Variants in UQCC1 observed in about 807,000 individuals in gnomAD.
UQCC1 encodes ubiquinol-cytochrome c reductase complex assembly factor 1.
UQCC1 carries 38 observed loss-of-function variants against 48.0 expected under a neutral mutation model. The observed-to-expected ratio is 0.79, with a 90% CI of 0.61 to 1.04. UQCC1 has a LOEUF of 1.04. Among genes scored for constraint, UQCC1 ranks in the 50% least tolerant of loss-of-function variants. UQCC1 has a pLI of 0.00. For synonymous variants in UQCC1, 111 were observed against 129.2 expected (o/e 0.86, Z 0.95); for missense variants, 368 against 381.8 (o/e 0.96, Z 0.30).
At chr20:35,353,205 T>C (rs2061509076) in intron 6 of UQCC1, among the ~76,000 whole-genome samples, 1 of 150,174 alleles carries the variant, frequency 6.7e-6, no homozygotes, top group African/African-American at 2.5e-5. Context: ...GAGACCAGCC[T>C]GGCCAACATG....
At chr20:35,388,445 A>C (rs1183901812) in intron 2 of UQCC1, among the ~76,000 whole-genome samples, 1 of 151,404 alleles carries the variant, frequency 6.6e-6, no homozygotes, top group Non-Finnish European at 1.5e-5. Context: ...AGATCCAGCT[A>C]TTCCGGATTT....
intron 7 of UQCC1, among the ~76,000 whole-genome samples, chr20:35,334,446 G>A (rs1270932381): frequency 1.3e-5 from 2 of 152,030 alleles, no homozygotes; most frequent in Non-Finnish European, 2.9e-5. Flanking sequence ...ATACCAACTC[G>A]GTGCCTTTAT....
At position 35,302,611 on chromosome 20, in the gene UQCC1, T is replaced by C. The variant is rs2060883415; in HGVS notation, c.*1324A>G. On this transcript the variant is annotated 3_prime_UTR_variant, in exon 10 of 10. Transcript: ENST00000374385. ...ACACAGTAAAGTTTATTTTGGTGCA[T>C]GGTATACTTCACTCCATTAAAAATA... The C allele has an allele frequency of 6.6e-6, 1 of 152,210 alleles. No homozygotes were observed. Among genetic ancestry groups the C allele is most frequent in the Admixed American group, 6.5e-5 (1 of 15,268 alleles). 9.4% of individuals were successfully genotyped at this position (152,210 alleles called of 1,614,324 possible).
chr20:35,399,986 C>T (rs1426710206), intron 1 of UQCC1, among the ~76,000 whole-genome samples: 10 of 133,122 alleles, frequency 7.5e-5, no homozygotes, highest in African/African-American at 2.3e-4. Context: ...AGTGCAGTGG[C>T]GCAATCTCGG....
chr20:35,402,626 A>G (rs1489265336), intron 1 of UQCC1, among the ~76,000 whole-genome samples: 1 of 148,854 alleles, frequency 6.7e-6, no homozygotes, highest in African/African-American at 2.5e-5. Context: ...ATATATATAT[A>G]TATATAATAT....
intron 6 of UQCC1, among the ~76,000 whole-genome samples, chr20:35,365,226 A>G (rs541183662): frequency 6.6e-6 from 1 of 152,306 alleles, no homozygotes; most frequent in Non-Finnish European, 1.5e-5. Context: ...TATATAACTT[A>G]GGCATTCTGA....
At chr20:35,347,028 T>C in intron 7 of UQCC1, 136 bp downstream of exon 7, 1 of 1,590,336 alleles carries the variant, frequency 6.3e-7, no homozygotes, top group Non-Finnish European at 8.6e-7. Context: ...AAAGTGACTT[T>C]AGCGGAACTG....
intron 7 of UQCC1, among the ~76,000 whole-genome samples, chr20:35,323,677 G>A (rs915527608): frequency 6.6e-6 from 1 of 152,182 alleles, no homozygotes; most frequent in Admixed American, 6.5e-5. Flanking sequence ...AGATTCTATG[G>A]CCAAGAGAAA....
chr20:35,377,662 T>C (rs1334125225), intron 4 of UQCC1, among the ~76,000 whole-genome samples: 1 of 152,242 alleles, frequency 6.6e-6, no homozygotes, highest in African/African-American at 2.4e-5. Context: ...CTAAAATTTC[T>C]AATCATCTAT....
chr20:35,363,492 G>C (rs958091218), intron 6 of UQCC1, among the ~76,000 whole-genome samples: 1 of 152,166 alleles, frequency 6.6e-6, no homozygotes, highest in African/African-American at 2.4e-5. Context: ...GGGTGTCCCA[G>C]TCCTAAATCC....
intron 1 of UQCC1, among the ~76,000 whole-genome samples, chr20:35,395,154 G>A (rs139924794): frequency 2.6e-5 from 4 of 152,050 alleles, no homozygotes; most frequent in Non-Finnish European, 4.4e-5. Flanking sequence ...GCTTCATTAC[G>A]TAGACATGAT....
At chr20:35,306,946 C>A in intron 8 of UQCC1, 167 bp from the exon 9 acceptor site, 2 of 678,800 alleles carry the variant, frequency 2.9e-6, no homozygotes, top group Non-Finnish European at 5.4e-6. Flanking sequence ...AGGGGTCTTA[C>A]AAGGGTATCT....
At chr20:35,314,428 G>A (rs1327228709) in intron 8 of UQCC1, among the ~76,000 whole-genome samples, 3 of 152,214 alleles carry the variant, frequency 2.0e-5, no homozygotes, top group Admixed American at 1.3e-4. Context: ...CCAGCACCCA[G>A]CAGCCACTCA....
At chr20:35,310,936 G>A (rs907043384) in intron 8 of UQCC1, among the ~76,000 whole-genome samples, 7 of 148,430 alleles carry the variant, frequency 4.7e-5, no homozygotes, top group Admixed American at 1.4e-4. Context: ...TTGGCCTCGT[G>A]ATCTATCCAC....
intron 6 of UQCC1, among the ~76,000 whole-genome samples, chr20:35,358,436 C>CT (rs1011464403): frequency 1.1e-4 from 1 of 9,518 alleles, no homozygotes; most frequent in Non-Finnish European, 3.0e-4. Flanking sequence ...GCAAAATAAA[C>CT]TTAAAAAAAT....
chr20:35,355,484 T>C (rs1373092308), intron 6 of UQCC1, among the ~76,000 whole-genome samples: 2 of 152,224 alleles, frequency 1.3e-5, no homozygotes, highest in Non-Finnish European at 2.9e-5. Context: ...AAAGCAGTCC[T>C]GTTGTGAAGG....
At chr20:35,311,870 C>T (rs138274680) in intron 8 of UQCC1, among the ~76,000 whole-genome samples, 470 of 152,236 alleles carry the variant, frequency 3.1e-3, no homozygotes, top group African/African-American at 0.011. Flanking sequence ...AAGTCACCTT[C>T]GGGTGACTTG....
At chr20:35,366,011 T>A (rs1217012673) in intron 6 of UQCC1, among the ~76,000 whole-genome samples, 1 of 152,204 alleles carries the variant, frequency 6.6e-6, no homozygotes. Flanking sequence ...TAACATTAGA[T>A]GAAAAATTGA....
intron 2 of UQCC1, among the ~76,000 whole-genome samples, chr20:35,386,121 A>G (rs1415043486): frequency 6.6e-6 from 1 of 152,138 alleles, no homozygotes; most frequent in Non-Finnish European, 1.5e-5. Context: ...ATGACTGCGT[A>G]GACTGCATAT....
Sources: gnomAD v4.1 joint callset for allele counts (sites outside exome capture counted in the v4.1 genomes callset) on GRCh38, gnomAD v4.1.1 for gene constraint, MANE v1.5 for transcripts, NCBI Gene and HGNC (gene_info 2026-07-23, HGNC 2026-07-21) for gene names.